Variants in USP32 observed in about 807,000 individuals in gnomAD.
The protein encoded by USP32 is ubiquitin carboxyl-terminal hydrolase 32.
Under a neutral mutation model 204.8 loss-of-function variants are expected in USP32, and 59 were observed. That is an observed-to-expected ratio of 0.29 (90% CI 0.23 to 0.36). USP32 has a LOEUF of 0.36. Ranked by LOEUF, USP32 falls within the 10% of genes least tolerant of loss-of-function variation. The pLI is 1.00. For synonymous variants in USP32, 517 were observed against 678.4 expected, an observed-to-expected ratio of 0.76 and a Z score of 3.70; for missense variants, 1,160 against 1,946.4, an observed-to-expected ratio of 0.60 and a Z score of 7.60.
At chr17:60,299,919 C>G (rs940269507) in intron 3 of USP32, among the ~76,000 whole-genome samples, 11 of 152,148 alleles carry the variant, frequency 7.2e-5, no homozygotes, top group Non-Finnish European at 1.5e-4. Context: ...TATAAAGGGT[C>G]TCTCTGGGGC....
chr17:60,317,876 C>T (rs1333243429), intron 2 of USP32, among the ~76,000 whole-genome samples: 1 of 152,006 alleles, frequency 6.6e-6, no homozygotes, highest in Non-Finnish European at 1.5e-5. Flanking sequence ...TCCCAGCTAC[C>T]TGGGAGGCTG....
chr17:60,332,648 TAA>T (rs1004821837), intron 2 of USP32, among the ~76,000 whole-genome samples: 1 of 151,320 alleles, frequency 6.6e-6, no homozygotes, highest in Admixed American at 6.6e-5. Flanking sequence ...AACTCTGTCT[TAA>T]AAAAAAAGTT....
intron 9 of USP32, among the ~76,000 whole-genome samples, chr17:60,255,992 T>C (rs190181035): frequency 1.2e-4 from 19 of 152,252 alleles, no homozygotes; most frequent in Admixed American, 7.8e-4. Context: ...GCAGAATCAC[T>C]GAAGTGTATA....
At chr17:60,258,971 A>G (rs761372607) in intron 9 of USP32, among the ~76,000 whole-genome samples, 14 of 152,214 alleles carry the variant, frequency 9.2e-5, no homozygotes, top group Non-Finnish European at 1.5e-4. Context: ...TTTTTACACA[A>G]TCCTTTAAAT....
rs187469096 is a variant in USP32, at chr17:60,283,050, C to A, written c.571+5473G>T. Among the ~76,000 whole-genome samples, 200 of 152,212 alleles carry A rather than the reference C, an allele frequency of 1.3e-3. 1 individual carries two copies. Among genetic ancestry groups the A allele is most frequent in the African/African-American group, 4.5e-3 (187 of 41,536 alleles). The stretch of plus-strand genomic sequence containing the variant: ...TGAAATATAAAGTGTTGCAGAAATG[C>A]AAATAGTAAAATAAATTAACTCAAA... On this transcript the variant is annotated intron_variant, in intron 5 of 33. Transcript: ENST00000300896.
intron 2 of USP32, among the ~76,000 whole-genome samples, chr17:60,328,727 G>A (rs775637148): frequency 3.3e-4 from 50 of 152,216 alleles, no homozygotes; most frequent in Non-Finnish European, 6.6e-4. Flanking sequence ...GGGGCCCTGC[G>A]GTTCCTGATG....
chr17:60,189,274 G>A (rs1196621216), intron 29 of USP32, among the ~76,000 whole-genome samples: 1 of 152,210 alleles, frequency 6.6e-6, no homozygotes, highest in Non-Finnish European at 1.5e-5. Flanking sequence ...GCTCCCAGGA[G>A]CCTTGGTGTG....
chr17:60,246,391 G>A (rs954228903), intron 11 of USP32, among the ~76,000 whole-genome samples: 7 of 149,348 alleles, frequency 4.7e-5, no homozygotes, highest in Non-Finnish European at 7.4e-5. Flanking sequence ...TATTGTGTAT[G>A]TGTGTGTGTA....
intron 26 of USP32, among the ~76,000 whole-genome samples, chr17:60,198,736 C>T (rs2084592978): frequency 6.6e-6 from 1 of 152,232 alleles, no homozygotes; most frequent in Non-Finnish European, 1.5e-5. Context: ...ACATTTCTCA[C>T]ATACACTGAC....
At chr17:60,345,697 T>A in intron 1 of USP32, 89 bp from the exon 2 acceptor site, 1 of 1,568,770 alleles carries the variant, frequency 6.4e-7, no homozygotes, top group Non-Finnish European at 8.7e-7. Flanking sequence ...TAAGAAAAAT[T>A]GAGGCTAGGC....
intron 2 of USP32, among the ~76,000 whole-genome samples, chr17:60,325,732 G>A (rs1424605317): frequency 6.6e-6 from 1 of 152,022 alleles, no homozygotes; most frequent in Admixed American, 6.6e-5. Context: ...TTCAACACCA[G>A]CCTGGGCAAC....
chr17:60,284,662 A>G (rs986630162), intron 5 of USP32, among the ~76,000 whole-genome samples: 1 of 151,904 alleles, frequency 6.6e-6, no homozygotes, highest in African/African-American at 2.4e-5. Flanking sequence ...TGTTTTCTCT[A>G]ATAATACAGT....
intron 1 of USP32, among the ~76,000 whole-genome samples, chr17:60,410,682 G>T (rs554501643): frequency 1.3e-5 from 2 of 151,980 alleles, no homozygotes; most frequent in Admixed American, 6.6e-5. Context: ...AATAAATAAA[G>T]AAAGAAAGAA....
Position 60,349,678 on chromosome 17 carries a change from C to T in USP32, c.59-4070G>A, listed in dbSNP as rs1163383703. Among the ~76,000 whole-genome samples, 213 of 111,260 alleles carry T rather than the reference C, an allele frequency of 1.9e-3. 3 individuals are homozygous for T. Among genetic ancestry groups the T allele is most frequent in the African/African-American group, 7.3e-3 (194 of 26,574 alleles). 73.0% of individuals were successfully genotyped at this position (111,260 alleles called of 152,430 possible). A position where few individuals can be genotyped will look rare whatever the true frequency, so the allele number is the denominator to read the frequency against. Reference sequence around the variant, plus strand: ...ACATATATATACACATATATATATACACACATATATATATATAGCAATCTG... The same window carrying T: ...ACATATATATACACATATATATATATACACATATATATATATAGCAATCTG... On this transcript the variant is annotated intron_variant, in intron 1 of 33. Coordinates refer to ENST00000300896, the MANE Select transcript of USP32 (RefSeq NM_032582.4).
intron 15 of USP32, among the ~76,000 whole-genome samples, chr17:60,222,187 T>C (rs1221909583): frequency 6.6e-6 from 1 of 152,216 alleles, no homozygotes; most frequent in Non-Finnish European, 1.5e-5. Context: ...TCTACTTTTA[T>C]GTGGATAACA....
upstream of USP32, among the ~76,000 whole-genome samples, chr17:60,394,441 A>G (rs2089886190): frequency 6.6e-6 from 1 of 152,214 alleles, no homozygotes; most frequent in Admixed American, 6.5e-5. Flanking sequence ...GTTGGGAGCA[A>G]ATTAATGTAT....
intron 1 of USP32, among the ~76,000 whole-genome samples, chr17:60,402,575 G>A (rs572881428): frequency 2.0e-5 from 3 of 152,188 alleles, no homozygotes; most frequent in South Asian, 2.1e-4. Flanking sequence ...CTTCTGAAAC[G>A]CTAAATTAGT....
At chr17:60,244,105 GGCTCACTGCAA>G (rs2085952534) in intron 11 of USP32, among the ~76,000 whole-genome samples, 1 of 136,034 alleles carries the variant, frequency 7.4e-6, no homozygotes, top group South Asian at 2.3e-4. Flanking sequence ...ACGCGATCTC[GGCTCACTGCAA>G]GCCCCGCCTC....
intron 33 of USP32, 67 bp downstream of exon 33, chr17:60,180,478 A>G: frequency 6.6e-7 from 1 of 1,524,020 alleles, no homozygotes; most frequent in Non-Finnish European, 9.1e-7. Flanking sequence ...CCATTATTTC[A>G]ACAAATGTTC....
Sources: gnomAD v4.1 joint callset for allele counts (sites outside exome capture counted in the v4.1 genomes callset) on GRCh38, gnomAD v4.1.1 for gene constraint, MANE v1.5 for transcripts, NCBI Gene and HGNC (gene_info 2026-07-23, HGNC 2026-07-21) for gene names.